Variants in ASAP2 observed in about 807,000 individuals in gnomAD.
The protein encoded by ASAP2 is arf-GAP with SH3 domain, ANK repeat and PH domain-containing protein 2.
Under a neutral mutation model 131.4 loss-of-function variants are expected in ASAP2, and 45 were observed. That is an observed-to-expected ratio of 0.34 (90% CI 0.27 to 0.44). The LOEUF is 0.44. Among genes scored for constraint, ASAP2 ranks in the 20% least tolerant of loss-of-function variants. The probability of loss-of-function intolerance (pLI) is 1.00; values close to 1 mark genes in which losing one functional copy is unlikely to be tolerated. For missense variants in ASAP2, 1,011 were observed against 1,297.0 expected, an observed-to-expected ratio of 0.78 and a Z score of 3.39; for synonymous variants, 510 against 503.0, an observed-to-expected ratio of 1.01 and a Z score of -0.19.
chr2:9,347,598 G>C (rs908186158), intron 11 of ASAP2, among the ~76,000 whole-genome samples: 1 of 152,196 alleles, frequency 6.6e-6, no homozygotes, highest in Non-Finnish European at 1.5e-5. Flanking sequence ...AAATGAAGTT[G>C]TTGTATTCTG....
At chr2:9,282,913 G>A (rs1007348676) in intron 2 of ASAP2, among the ~76,000 whole-genome samples, 1 of 152,182 alleles carries the variant, frequency 6.6e-6, no homozygotes. Context: ...TGTGCCAGCT[G>A]TACTTCTGTG....
At chr2:9,350,663 G>T in intron 11 of ASAP2, 145 bp from the exon 12 acceptor site, 1 of 595,150 alleles carries the variant, frequency 1.7e-6, no homozygotes. Flanking sequence ...TCCCAGTCAA[G>T]CCTTCCTCTG....
intron 2 of ASAP2, among the ~76,000 whole-genome samples, chr2:9,293,219 C>T (rs530051475): frequency 3.9e-5 from 6 of 152,284 alleles, no homozygotes; most frequent in East Asian, 1.9e-4. Flanking sequence ...TCTCTCAGTT[C>T]ATCCTTTTGC....
intron 1 of ASAP2, among the ~76,000 whole-genome samples, chr2:9,260,055 C>G (rs1253267806): frequency 6.6e-6 from 1 of 152,198 alleles, no homozygotes; most frequent in African/African-American, 2.4e-5. Flanking sequence ...GAGTCAGGCA[C>G]CAGTCTGATG....
In ASAP2 at chr2:9,404,216, G is replaced by A. The variant is rs996620320; in HGVS notation, c.*889G>A. ...CACATCACTTGCTGTTTCCTACTGAGTGTACCACTGCCTTCCCTTCTAGCC... is the reference window on the plus strand; with the variant it reads ...CACATCACTTGCTGTTTCCTACTGAATGTACCACTGCCTTCCCTTCTAGCC... On this transcript the variant is annotated 3_prime_UTR_variant, in exon 28 of 28. Transcript: ENST00000281419. The A allele has an allele frequency of 6.6e-6, 1 of 152,218 alleles. No individual in the cohort carries two copies. The highest frequency in any genetic ancestry group is 2.4e-5 in the African/African-American group (1 of 41,452). 9.4% of individuals were successfully genotyped at this position (152,218 alleles called of 1,614,324 possible).
At position 9,206,971 on chromosome 2, in the gene ASAP2, C is replaced by T. The variant is rs1661148253; in HGVS notation, c.-134C>T. ...CGCCAGGCCCCGCGCGGCTCCCGCG[C>T]CCGGCGCTCCCCTTTGTCCGCGGGC... On this transcript the variant is annotated 5_prime_UTR_variant, in exon 1 of 28. Coordinates refer to ENST00000281419, the MANE Select transcript of ASAP2 (RefSeq NM_003887.3). This position sits in a 1 kb window ranked among gnomAD's most constrained non-coding sequence, Gnocchi z 4.0. 2.3e-6 allele frequency: 2 copies of T among 888,464 alleles called. No homozygotes were observed. Among genetic ancestry groups the T allele is most frequent in the East Asian group, 1.1e-4 (1 of 8,766 alleles). The allele number at this position is 888,464 out of a possible 1,614,324, so 55.0% of individuals were successfully genotyped here.
intron 3 of ASAP2, among the ~76,000 whole-genome samples, chr2:9,317,812 A>ACAGT (rs1553311589): frequency 6.6e-6 from 1 of 150,880 alleles, no homozygotes; most frequent in African/African-American, 2.4e-5. Context: ...ACACACTCAC[A>ACAGT]CAATCACACC....
At chr2:9,349,168 G>A (rs984185088) in intron 11 of ASAP2, among the ~76,000 whole-genome samples, 4 of 152,156 alleles carry the variant, frequency 2.6e-5, no homozygotes, top group Non-Finnish European at 5.9e-5. Context: ...AAATAGCTGA[G>A]TAAATGTAGC....
chr2:9,287,718 G>T (rs114056859), intron 2 of ASAP2, among the ~76,000 whole-genome samples: 1 of 152,192 alleles, frequency 6.6e-6, no homozygotes, highest in East Asian at 1.9e-4. Context: ...AGGTGAGGAC[G>T]TGGGCTCGAA....
At chr2:9,387,629 A>G (rs772995998) in intron 21 of ASAP2, among the ~76,000 whole-genome samples, 2 of 152,150 alleles carry the variant, frequency 1.3e-5, no homozygotes, top group Non-Finnish European at 2.9e-5. Context: ...ACTTCAGGGA[A>G]AATGCTGACT....
At chr2:9,212,982 T>C (rs1043076004) in intron 1 of ASAP2, among the ~76,000 whole-genome samples, 3 of 152,208 alleles carry the variant, frequency 2.0e-5, no homozygotes, top group African/African-American at 7.2e-5. Flanking sequence ...AAATTCTGAC[T>C]TAAATTAGTC....
Position 9,281,917 on chromosome 2 carries a change from GACCCTCCCC to G in ASAP2, c.199+2532_199+2540del. ...TGCCTGGACTCAGGCCACCTGTCCCGACCCTCCCCACCTGGACTCCTCTGTGCCCTTCTT... is the reference window on the plus strand; with the variant it reads ...TGCCTGGACTCAGGCCACCTGTCCCGACCTGGACTCCTCTGTGCCCTTCTT... On this transcript the variant is annotated intron_variant, in intron 2 of 27. Transcript: ENST00000281419. This position sits in a 1 kb window ranked among gnomAD's most constrained non-coding sequence, Gnocchi z 4.0. Among the ~76,000 whole-genome samples, 1 of 152,238 alleles carries G rather than the reference GACCCTCCCC, an allele frequency of 6.6e-6. No homozygotes were observed. The highest frequency in any genetic ancestry group is 2.1e-4 in the South Asian group (1 of 4,814).
chr2:9,302,059 G>A (rs1363027273), intron 3 of ASAP2, among the ~76,000 whole-genome samples: 1 of 149,330 alleles, frequency 6.7e-6, no homozygotes, highest in Non-Finnish European at 1.5e-5. Context: ...TCCTGACCTC[G>A]TGATCCACCC....
rs202031367 is a variant in ASAP2 at position 9,290,876 on chromosome 2, C to G, written c.200-6424C>G. Among the ~76,000 whole-genome samples, 22 of 152,304 alleles carry G rather than the reference C, an allele frequency of 1.4e-4. No individual in the cohort carries two copies. The East Asian group carries it at 3.9e-3, about 27-fold the overall frequency. ...AAATAACATCTAGAAAGCACTTGGC[C>G]TGGGACCTAGTATATAACAGCCTTG... On this transcript the variant is annotated intron_variant, in intron 2 of 27. Coordinates refer to ENST00000281419, the MANE Select transcript of ASAP2 (RefSeq NM_003887.3).
chr2:9,371,930 C>A (rs1674003180), intron 16 of ASAP2, among the ~76,000 whole-genome samples: 1 of 152,134 alleles, frequency 6.6e-6, no homozygotes, highest in Non-Finnish European at 1.5e-5. Flanking sequence ...TCCTGGCTAA[C>A]ACGGTGAAAC....
intron 1 of ASAP2, among the ~76,000 whole-genome samples, chr2:9,229,758 G>A (rs1281016455): frequency 6.6e-6 from 1 of 152,168 alleles, no homozygotes; most frequent in African/African-American, 2.4e-5. Flanking sequence ...TTCTGCAGGG[G>A]GACAAAGTGC....
chr2:9,322,923 G>A (rs1174686196), intron 5 of ASAP2, among the ~76,000 whole-genome samples, 198 bp from the exon 6 acceptor site: 1 of 152,204 alleles, frequency 6.6e-6, no homozygotes, highest in African/African-American at 2.4e-5. Context: ...GGAAATACTT[G>A]TTGAGTAAGT....
chr2:9,264,351 C>T (rs1199300216), intron 1 of ASAP2, among the ~76,000 whole-genome samples: 1 of 152,166 alleles, frequency 6.6e-6, no homozygotes, highest in Non-Finnish European at 1.5e-5. Context: ...TGGGGGGGCC[C>T]GTGCTGGCGT....
intron 18 of ASAP2, among the ~76,000 whole-genome samples, chr2:9,377,545 G>T (rs902131634): frequency 9.9e-5 from 15 of 152,166 alleles, no homozygotes; most frequent in African/African-American, 3.1e-4. Context: ...CGTGGTTTGG[G>T]GCATATTGCT....
Sources: gnomAD v4.1 joint callset for allele counts (sites outside exome capture counted in the v4.1 genomes callset) on GRCh38, gnomAD v4.1.1 for gene constraint, Gnocchi (gnomAD v3.1) non-coding constraint, MANE v1.5 for transcripts, NCBI Gene and HGNC (gene_info 2026-07-23, HGNC 2026-07-21) for gene names.